ERG: variants seen among roughly 807,000 people sequenced by gnomAD.
ERG encodes transcriptional regulator ERG.
In ERG, 9 loss-of-function variants were observed where a neutral mutation model predicts 55.3. The observed-to-expected ratio is 0.16, with a 90% CI of 0.10 to 0.28. The LOEUF (loss-of-function observed/expected upper bound fraction) is 0.28, where lower values mean the gene tolerates loss of function less well. Among genes scored for constraint, ERG ranks in the 10% least tolerant of loss-of-function variants. The pLI is 1.00. For missense variants in ERG, 434 were observed against 631.6 expected (o/e 0.69, Z 3.35); for synonymous variants, 223 against 237.3 (o/e 0.94, Z 0.55).
At chr21:38,534,067 T>C (rs2059691761) in intron 2 of ERG, among the ~76,000 whole-genome samples, 1 of 151,762 alleles carries the variant, frequency 6.6e-6, no homozygotes, top group Non-Finnish European at 1.5e-5. Context: ...CAACAAAGAG[T>C]TGCAAATACA....
intron 1 of ERG, among the ~76,000 whole-genome samples, chr21:38,636,120 T>C (rs1026847889): frequency 2.0e-5 from 3 of 152,286 alleles, no homozygotes; most frequent in African/African-American, 7.2e-5. Flanking sequence ...CTGGGGCTTT[T>C]CCCCCTATTG....
intron 2 of ERG, among the ~76,000 whole-genome samples, chr21:38,523,690 T>C (rs1601184567): frequency 1.3e-5 from 2 of 152,370 alleles, no homozygotes; most frequent in Admixed American, 1.3e-4. Flanking sequence ...CCCAATTTGC[T>C]ACTGGATTTC....
chr21:38,658,705 C>G (rs2060534290), intron 1 of ERG, among the ~76,000 whole-genome samples: 1 of 152,226 alleles, frequency 6.6e-6, no homozygotes, highest in Admixed American at 6.5e-5. Flanking sequence ...CTTCTGACGT[C>G]TTTCAGAGAT....
chr21:38,374,657 C>A, the ERG span, among the ~76,000 whole-genome samples: 1 of 152,138 alleles, frequency 6.6e-6, no homozygotes, highest in African/African-American at 2.4e-5. Flanking sequence ...TAATATTTTT[C>A]CCACCAGCCT....
At chr21:38,457,335 C>T (rs577486441) in intron 1 of ERG, among the ~76,000 whole-genome samples, 2 of 152,034 alleles carry the variant, frequency 1.3e-5, no homozygotes, top group African/African-American at 4.8e-5. Flanking sequence ...ACTCAGGAGG[C>T]TGAGGCAGGA....
Position 38,498,368 on chromosome 21 carries a change from T to A in ERG, c.13A>T (p.Ile5Phe). 1 of 1,603,088 alleles carries A rather than the reference T, an allele frequency of 6.2e-7. No homozygotes were observed. The highest frequency in any genetic ancestry group is 1.3e-5 in the African/African-American group (1 of 74,734). MAST[I>F]KEALSVVSED... ...AAAAGGAACCCTTTCCTTACCTTAA[T>A]AGTGCTGGCCATAATGCGATCAAGT... Residue 5 changes from isoleucine to phenylalanine, a missense_variant, in exon 1 of 10, where the codon ATT (isoleucine) becomes TTT (phenylalanine). Ile to Phe is a conservative substitution (Grantham distance 21, BLOSUM62 0). This residue lies in a region of ERG where 212 missense variants were observed against 262.9 expected (regional missense o/e 0.81). Coordinates refer to ENST00000288319, the MANE Select transcript of ERG (RefSeq NM_182918.4). This position sits in a 1 kb window ranked among gnomAD's most constrained non-coding sequence, Gnocchi z 4.6.
rs184309184 is a variant in ERG at position 38,507,671 on chromosome 21, C to G, written c.-41+67991G>C. On this transcript the variant is annotated intron_variant, in intron 2 of 8. Transcript: ENST00000398897. ...AGAGTTCGACTTGAACTTGGGACTC[C>G]CCTGGGATGGGTGAGGTTCTCTCAA... Among the ~76,000 whole-genome samples the G allele has an allele frequency of 2.7e-3, 417 of 152,236 alleles. 2 individuals carry two copies. The highest frequency in any genetic ancestry group is 9.7e-3 in the African/African-American group (401 of 41,540).
intron 3 of ERG, among the ~76,000 whole-genome samples, chr21:38,419,777 T>A (rs1432321416): frequency 1.3e-5 from 2 of 152,164 alleles, no homozygotes; most frequent in East Asian, 1.9e-4. Context: ...ACACTTTTTT[T>A]ATGGGCTTCT....
At chr21:38,533,028 T>C (rs1168520004) in intron 2 of ERG, among the ~76,000 whole-genome samples, 3 of 152,208 alleles carry the variant, frequency 2.0e-5, no homozygotes, top group Non-Finnish European at 2.9e-5. Context: ...AAAATCACTA[T>C]TGAATTAAAA....
intron 2 of ERG, among the ~76,000 whole-genome samples, chr21:38,507,288 A>T (rs2059469999): frequency 6.6e-6 from 1 of 152,236 alleles, no homozygotes; most frequent in South Asian, 2.1e-4. Flanking sequence ...GCATCCTGAT[A>T]ACAGGGACCT....
chr21:38,590,857 G>A (rs992414665), intron 1 of ERG, among the ~76,000 whole-genome samples: 4 of 152,228 alleles, frequency 2.6e-5, no homozygotes, highest in African/African-American at 9.6e-5. Flanking sequence ...CTCCCCCATT[G>A]CCTTGCTTGA....
At chr21:38,387,508 G>T (rs1488622211) in intron 9 of ERG, among the ~76,000 whole-genome samples, 1 of 152,166 alleles carries the variant, frequency 6.6e-6, no homozygotes, top group Non-Finnish European at 1.5e-5. Flanking sequence ...AACTCTCGCA[G>T]CTCTCTCTGC....
intron 1 of ERG, chr21:38,449,194 G>A (rs2058918992): frequency 6.6e-6 from 1 of 152,196 alleles, no homozygotes; most frequent in Non-Finnish European, 1.5e-5. Flanking sequence ...CATTTCATAT[G>A]CCTGCTTCTA....
chr21:38,645,504 TCA>T (rs956015391), intron 1 of ERG, among the ~76,000 whole-genome samples: 2 of 152,212 alleles, frequency 1.3e-5, no homozygotes, highest in African/African-American at 2.4e-5. Context: ...GGGCAAGAAT[TCA>T]CAGACTTCAG....
At chr21:38,473,268 A>G (rs1449282620) in intron 1 of ERG, among the ~76,000 whole-genome samples, 1 of 151,668 alleles carries the variant, frequency 6.6e-6, no homozygotes, top group East Asian at 1.9e-4. Flanking sequence ...CCTCATCTGG[A>G]TATTACCCAC....
At chr21:38,428,384 GA>G (rs947066350) in intron 2 of ERG, among the ~76,000 whole-genome samples, 1 of 152,134 alleles carries the variant, frequency 6.6e-6, no homozygotes, top group African/African-American at 2.4e-5. Context: ...ACATCGCCGG[GA>G]AAAAGTTCCC....
chr21:38,558,120 A>C (rs1469964829), intron 2 of ERG, among the ~76,000 whole-genome samples: 1 of 152,070 alleles, frequency 6.6e-6, no homozygotes, highest in Non-Finnish European at 1.5e-5. Context: ...CCAGACTATT[A>C]AGGCAGAATC....
intron 2 of ERG, among the ~76,000 whole-genome samples, chr21:38,438,075 A>G (rs990700358): frequency 6.6e-6 from 1 of 152,146 alleles, no homozygotes; most frequent in African/African-American, 2.4e-5. Context: ...GTTGTCCTCG[A>G]ACACCTCAAG....
chr21:38,540,500 A>C (rs2059744671), intron 2 of ERG, among the ~76,000 whole-genome samples: 1 of 152,174 alleles, frequency 6.6e-6, no homozygotes, highest in Non-Finnish European at 1.5e-5. Context: ...CAAGTGAATT[A>C]CTTAATATCT....
Sources: allele counts gnomAD v4.1 joint callset (sites outside exome capture counted in the v4.1 genomes callset), GRCh38; gene constraint gnomAD v4.1.1; regional missense constraint gnomAD v4.1.1; non-coding constraint Gnocchi (gnomAD v3.1); transcripts MANE v1.5; gene names NCBI Gene and HGNC (gene_info 2026-07-23, HGNC 2026-07-21).